Variants in RAB33B observed in about 807,000 individuals in gnomAD.
The protein encoded by RAB33B is RAB33B, member RAS oncogene family.
In RAB33B, 6 loss-of-function variants were observed where a neutral mutation model predicts 15.0. The ratio of observed to expected loss-of-function variants is 0.40; its 90% CI spans 0.22 to 0.79. The LOEUF (loss-of-function observed/expected upper bound fraction) is 0.79. RAB33B is among the 30% of genes least tolerant of loss of function. The pLI, the probability that RAB33B is intolerant of heterozygous loss-of-function variation, is 0.37. For synonymous variants in RAB33B, 117 were observed against 108.3 expected (o/e 1.08, Z -0.50); for missense variants, 257 against 296.4 (o/e 0.87, Z 0.98).
chr4:139,473,366 C>A lies in RAB33B; in HGVS notation c.*240C>A. ...AGATAGGATGAATCTGAACATCTCT[C>A]CATCTAGAGCCCAATGAAGGAAGCT... On this transcript the variant is annotated 3_prime_UTR_variant, in exon 2 of 2. Coordinates refer to ENST00000305626, the MANE Select transcript of RAB33B (RefSeq NM_031296.3). 1 of 480,296 alleles carries A rather than the reference C, an allele frequency of 2.1e-6. No homozygotes were observed. The highest frequency in any genetic ancestry group is 3.7e-6 in the Non-Finnish European group (1 of 272,724). The allele number at this position is 480,296 out of a possible 1,614,324, so 29.8% of individuals were successfully genotyped here.
At chr4:139,457,071 A>T (rs1750083663) in intron 1 of RAB33B, among the ~76,000 whole-genome samples, 2 of 152,362 alleles carry the variant, frequency 1.3e-5, no homozygotes, top group African/African-American at 4.8e-5. Context: ...TCTTTGATAA[A>T]AATGAGATAT....
chr4:139,460,777 T>G (rs1160632364), intron 1 of RAB33B, among the ~76,000 whole-genome samples: 2 of 152,242 alleles, frequency 1.3e-5, no homozygotes, highest in Admixed American at 6.5e-5. Context: ...AAAAAGACTT[T>G]GAATTGCTGG....
chr4:139,445,246 G>C, the RAB33B span, among the ~76,000 whole-genome samples: 1 of 152,190 alleles, frequency 6.6e-6, no homozygotes, highest in Non-Finnish European at 1.5e-5. Context: ...AGCTGGCAAG[G>C]CCAGCAATAT....
intron 1 of RAB33B, among the ~76,000 whole-genome samples, chr4:139,468,500 TTATTG>T (rs2111083555): frequency 6.6e-6 from 1 of 152,374 alleles, no homozygotes; most frequent in East Asian, 1.9e-4. Context: ...TATTTATATC[TTATTG>T]TATTGATTAT....
At chr4:139,471,958 A>T (rs550092914) in intron 1 of RAB33B, among the ~76,000 whole-genome samples, 4 of 152,144 alleles carry the variant, frequency 2.6e-5, no homozygotes, top group Admixed American at 1.3e-4. Flanking sequence ...TGAAATGACT[A>T]ATCTTTCCTG....
At chr4:139,461,339 A>C (rs1057318353) in intron 1 of RAB33B, among the ~76,000 whole-genome samples, 1 of 152,190 alleles carries the variant, frequency 6.6e-6, no homozygotes, top group Non-Finnish European at 1.5e-5. Context: ...GTTAGGCTGG[A>C]GAAAACAACA....
intron 1 of RAB33B, among the ~76,000 whole-genome samples, chr4:139,463,833 G>T (rs943207233): frequency 6.6e-6 from 1 of 152,192 alleles, no homozygotes; most frequent in African/African-American, 2.4e-5. Flanking sequence ...ATCTCAGTGT[G>T]CAGGCCTGGA....
At chr4:139,464,924 A>G (rs999749337) in intron 1 of RAB33B, among the ~76,000 whole-genome samples, 3 of 152,222 alleles carry the variant, frequency 2.0e-5, no homozygotes, top group African/African-American at 7.2e-5. Flanking sequence ...TCGCTGGGTC[A>G]AATGGTATTT....
rs1750462534 is a variant in RAB33B, at chr4:139,474,504, C to A, written c.*1378C>A. On this transcript the variant is annotated 3_prime_UTR_variant, in exon 2 of 2. Coordinates refer to ENST00000305626, the MANE Select transcript of RAB33B (RefSeq NM_031296.3). ...AATGCCAAGTTAACAAATCAACTTC[C>A]ATTTGGATTGTAGGTGTGAAGGCAC... 6.6e-6 allele frequency: 1 copy of A among 152,406 alleles called. No individual in the cohort carries two copies. Among genetic ancestry groups the A allele is most frequent in the Admixed American group, 6.6e-5 (1 of 15,266 alleles). The allele number at this position is 152,406 out of a possible 1,614,324, so 9.4% of individuals were successfully genotyped here. A position where few individuals can be genotyped will look rare whatever the true frequency, so the allele number is the denominator to read the frequency against.
chr4:139,445,997 AACCTGAACTG>A, the RAB33B span, among the ~76,000 whole-genome samples: 1 of 152,200 alleles, frequency 6.6e-6, no homozygotes, highest in African/African-American at 2.4e-5. Flanking sequence ...GTCACCATTC[AACCTGAACTG>A]ACTATCATTA....
At chr4:139,468,252 C>G (rs1349223123) in intron 1 of RAB33B, among the ~76,000 whole-genome samples, 4 of 152,212 alleles carry the variant, frequency 2.6e-5, no homozygotes, top group African/African-American at 9.6e-5. Flanking sequence ...CCTCTTGAGA[C>G]TTACTCACTG....
the RAB33B span, among the ~76,000 whole-genome samples, chr4:139,446,603 T>G: frequency 2.6e-5 from 4 of 152,324 alleles, no homozygotes; most frequent in East Asian, 7.7e-4. Context: ...TGAAGATATT[T>G]GTATCCCATG....
the RAB33B span, among the ~76,000 whole-genome samples, chr4:139,441,780 G>A: frequency 2.9e-3 from 445 of 152,240 alleles, 1 homozygote; most frequent in African/African-American, 9.6e-3. Context: ...TGAAACCGTC[G>A]TAAATCAGGG....
intron 1 of RAB33B, among the ~76,000 whole-genome samples, chr4:139,466,695 C>A (rs1750292651): frequency 6.6e-6 from 1 of 151,864 alleles, no homozygotes; most frequent in African/African-American, 2.4e-5. Flanking sequence ...TCTCGTGCCT[C>A]AGACTCCCAA....
At chr4:139,454,120 C>T (rs1231468692), upstream of RAB33B, 4 of 1,493,312 alleles carry the variant, frequency 2.7e-6, no homozygotes, top group African/African-American at 4.2e-5. Context: ...GCTGGGCGCG[C>T]GCTCTTGCGG....
Position 139,473,126 on chromosome 4 carries a change from A to T in RAB33B, c.690A>T (p.Ter230TyrextTer12). ...EPKPAMTCWC[*>Y] Reference sequence around the variant, plus strand: ...AGCCTGCAATGACGTGCTGGTGCTAAATAACAGTCTTTATTATATTATCTA... The same window carrying T: ...AGCCTGCAATGACGTGCTGGTGCTATATAACAGTCTTTATTATATTATCTA... Residue 230 changes from the stop codon to tyrosine, a stop_lost, in exon 2 of 2, where the codon TAA becomes TAT. Coordinates refer to ENST00000305626, the MANE Select transcript of RAB33B (RefSeq NM_031296.3). The T allele has an allele frequency of 6.3e-7, 1 of 1,589,158 alleles. No homozygotes were observed. The highest frequency in any genetic ancestry group is 8.6e-7 in the Non-Finnish European group (1 of 1,168,914).
chr4:139,445,660 A>G, the RAB33B span, among the ~76,000 whole-genome samples: 1 of 152,276 alleles, frequency 6.6e-6, no homozygotes, highest in South Asian at 2.1e-4. Context: ...ACTCTGGCCC[A>G]TTTACTGAGT....
the RAB33B span, among the ~76,000 whole-genome samples, chr4:139,441,678 G>A: frequency 9.9e-5 from 15 of 152,082 alleles, no homozygotes; most frequent in Admixed American, 7.9e-4. Context: ...AACTTACAAC[G>A]GGTTTATCTG....
At chr4:139,444,910 A>G in the RAB33B span, among the ~76,000 whole-genome samples, 1 of 152,208 alleles carries the variant, frequency 6.6e-6, no homozygotes, top group Non-Finnish European at 1.5e-5. Context: ...AATAGTAAAT[A>G]AAAAACAGTA....
Sources: gnomAD v4.1 joint callset for allele counts (sites outside exome capture counted in the v4.1 genomes callset) on GRCh38, gnomAD v4.1.1 for gene constraint, MANE v1.5 for transcripts, NCBI Gene and HGNC (gene_info 2026-07-23, HGNC 2026-07-21) for gene names.